Variants in MAF observed in about 807,000 individuals in gnomAD.
MAF encodes the protein MAF bZIP transcription factor.
MAF carries 10 observed loss-of-function variants against 22.0 expected under a neutral mutation model. That is an observed-to-expected ratio of 0.45 (90% CI 0.28 to 0.77). The LOEUF is 0.77. MAF is among the 30% of genes least tolerant of loss of function. The probability of loss-of-function intolerance (pLI) is 0.12; values close to 1 mark genes in which losing one functional copy is unlikely to be tolerated. For synonymous variants in MAF, 337 were observed against 255.8 expected (o/e 1.32, Z -3.03); for missense variants, 544 against 548.4 (o/e 0.99, Z 0.08).
the MAF span, among the ~76,000 whole-genome samples, chr16:79,489,018 C>A: frequency 6.6e-6 from 1 of 152,196 alleles, no homozygotes; most frequent in African/African-American, 2.4e-5. Flanking sequence ...ACTACCTCAA[C>A]TACTCAACTT....
chr16:79,408,900 T>C, the MAF span, among the ~76,000 whole-genome samples: 2 of 151,872 alleles, frequency 1.3e-5, no homozygotes, highest in Non-Finnish European at 2.9e-5. Flanking sequence ...AAAAGAGTTA[T>C]AGAAAAAAGA....
At chr16:79,559,711 C>T in the MAF span, among the ~76,000 whole-genome samples, 1,393 of 152,040 alleles carry the variant, frequency 9.2e-3, 29 homozygotes, top group African/African-American at 0.033. Context: ...TTGGAGAAGC[C>T]AACGGAAATG....
chr16:79,224,432 C>T, the MAF span, among the ~76,000 whole-genome samples: 1 of 152,152 alleles, frequency 6.6e-6, no homozygotes, highest in African/African-American at 2.4e-5. Context: ...TGGAAGCATG[C>T]CTTTTGAAAA....
chr16:79,579,625 C>G, the MAF span, among the ~76,000 whole-genome samples: 2 of 152,262 alleles, frequency 1.3e-5, no homozygotes, highest in African/African-American at 2.4e-5. Flanking sequence ...TCACAGTGGC[C>G]TGATCCCAAT....
At chr16:79,230,002 A>G in the MAF span, among the ~76,000 whole-genome samples, 1 of 121,260 alleles carries the variant, frequency 8.2e-6, no homozygotes, top group Non-Finnish European at 1.6e-5. Flanking sequence ...TTGCTTACAG[A>G]AAAAAAAAGA....
chr16:79,520,943 C>T, the MAF span, among the ~76,000 whole-genome samples: 1 of 152,164 alleles, frequency 6.6e-6, no homozygotes, highest in Non-Finnish European at 1.5e-5. Flanking sequence ...GTTACCATCA[C>T]CATATTTTAG....
At chr16:79,437,203 G>A in the MAF span, among the ~76,000 whole-genome samples, 1 of 152,070 alleles carries the variant, frequency 6.6e-6, no homozygotes, top group South Asian at 2.1e-4. Flanking sequence ...ACAGACAGGA[G>A]TAAGGAAGAG....
the MAF span, among the ~76,000 whole-genome samples, chr16:79,269,609 T>C: frequency 6.6e-6 from 1 of 152,140 alleles, no homozygotes; most frequent in Admixed American, 6.6e-5. Context: ...AGAATATGGC[T>C]GATCTGAAAC....
At chr16:79,360,898 C>G in the MAF span, among the ~76,000 whole-genome samples, 2 of 152,154 alleles carry the variant, frequency 1.3e-5, no homozygotes, top group South Asian at 2.1e-4. Context: ...GTGAACATCT[C>G]TTTCTAACTC....
At chr16:79,262,386 C>T in the MAF span, among the ~76,000 whole-genome samples, 1 of 152,170 alleles carries the variant, frequency 6.6e-6, no homozygotes, top group Admixed American at 6.5e-5. Context: ...AAAATGTAGA[C>T]AAAGGACATG....
At chr16:79,210,571 CCCTCT>C in the MAF span, among the ~76,000 whole-genome samples, 2 of 152,192 alleles carry the variant, frequency 1.3e-5, no homozygotes, top group African/African-American at 4.8e-5. Flanking sequence ...CAACCCCTCT[CCCTCT>C]CATCAGCTGA....
the MAF span, among the ~76,000 whole-genome samples, chr16:79,488,852 G>C: frequency 1.1e-4 from 16 of 152,228 alleles, no homozygotes; most frequent in Admixed American, 5.9e-4. Context: ...CAATTAAAAA[G>C]TTAATTAAGA....
At chr16:79,417,346 C>T in the MAF span, among the ~76,000 whole-genome samples, 1 of 152,222 alleles carries the variant, frequency 6.6e-6, no homozygotes, top group East Asian at 1.9e-4. Context: ...AGCACAAAGT[C>T]AGTCTGTCTG....
At chr16:79,225,189 G>C in the MAF span, among the ~76,000 whole-genome samples, 1 of 152,098 alleles carries the variant, frequency 6.6e-6, no homozygotes, top group East Asian at 1.9e-4. Context: ...ACAGAACAAA[G>C]GCCTCAGAAA....
chr16:79,208,252 C>A, the MAF span, among the ~76,000 whole-genome samples: 1 of 152,112 alleles, frequency 6.6e-6, no homozygotes, highest in Non-Finnish European at 1.5e-5. Context: ...TCTGGGCTTC[C>A]CAGAAATTCT....
At chr16:79,211,296 T>A in the MAF span, among the ~76,000 whole-genome samples, 10 of 152,166 alleles carry the variant, frequency 6.6e-5, no homozygotes, top group Non-Finnish European at 1.5e-4. Flanking sequence ...GATACCATCT[T>A]TTTCTCTGTG....
the MAF span, among the ~76,000 whole-genome samples, chr16:79,524,886 T>C: frequency 6.6e-6 from 1 of 152,218 alleles, no homozygotes; most frequent in Non-Finnish European, 1.5e-5. Flanking sequence ...TCTGCTTAAA[T>C]AGGAGACAAT....
At chr16:79,468,575 A>C in the MAF span, among the ~76,000 whole-genome samples, 1 of 152,184 alleles carries the variant, frequency 6.6e-6, no homozygotes, top group Non-Finnish European at 1.5e-5. Flanking sequence ...AGCATGCTGC[A>C]GCCTCAGGGC....
the MAF span, among the ~76,000 whole-genome samples, chr16:79,351,716 G>T: frequency 6.6e-6 from 1 of 151,764 alleles, no homozygotes; most frequent in African/African-American, 2.4e-5. Flanking sequence ...AAAGCCCATT[G>T]CCCACCCCAC....
Sources: allele counts gnomAD v4.1 joint callset (sites outside exome capture counted in the v4.1 genomes callset), GRCh38; gene constraint gnomAD v4.1.1; transcripts MANE v1.5; gene names NCBI Gene and HGNC (gene_info 2026-07-23, HGNC 2026-07-21).